SNX5: variants seen among roughly 807,000 people sequenced by gnomAD.
SNX5 encodes sorting nexin-5.
Under a neutral mutation model 53.9 loss-of-function variants are expected in SNX5, and 31 were observed. The observed-to-expected ratio is 0.58, with a 90% CI of 0.43 to 0.78. The LOEUF (loss-of-function observed/expected upper bound fraction) is 0.78, where lower values mean the gene tolerates loss of function less well. Ranked by LOEUF, SNX5 falls within the 30% of genes least tolerant of loss-of-function variation. The probability of loss-of-function intolerance (pLI) is 0.00; values close to 1 mark genes in which losing one functional copy is unlikely to be tolerated. For missense variants in SNX5, 471 were observed against 478.8 expected, an observed-to-expected ratio of 0.98 and a Z score of 0.15; for synonymous variants, 168 against 171.1, an observed-to-expected ratio of 0.98 and a Z score of 0.14.
At chr20:17,961,908 T>A in intron 1 of SNX5, 1 of 985,226 alleles carries the variant, frequency 1.0e-6, no homozygotes, top group Non-Finnish European at 1.2e-6. Flanking sequence ...CCAATATTTG[T>A]TAAGTGAGAA....
chr20:17,967,206 C>G (rs73264190), intron 1 of SNX5, among the ~76,000 whole-genome samples: 1,885 of 151,960 alleles, frequency 0.012, 41 homozygotes, highest in African/African-American at 0.043. Flanking sequence ...AAAGAATGTA[C>G]CAGAAAGAAA....
chr20:17,967,324 T>C (rs2035559218), intron 1 of SNX5, among the ~76,000 whole-genome samples: 1 of 149,860 alleles, frequency 6.7e-6, no homozygotes, highest in Non-Finnish European at 1.5e-5. Context: ...TCCACTTTGT[T>C]TTAGTAATAA....
rs1568590288 is a variant in SNX5 at position 17,950,379 on chromosome 20, AAAG to A, written c.624_626del (p.Phe209del). 1.9e-6 allele frequency: 3 copies of A among 1,608,706 alleles called. No individual in the cohort carries two copies. Among genetic ancestry groups the A allele is most frequent in the East Asian group, 2.2e-5 (1 of 44,862 alleles). On this transcript the variant is annotated inframe_deletion, in exon 7 of 13. Transcript: ENST00000377759. Reference sequence around the variant, plus strand: ...TAATAAGGAAGTTCTTCTCTTGCTCAAAGAAGTCATCTACCTCCTAGAAGGAAG... The same window carrying A: ...TAATAAGGAAGTTCTTCTCTTGCTCAAAGTCATCTACCTCCTAGAAGGAAG...
intron 1 of SNX5, among the ~76,000 whole-genome samples, chr20:17,958,157 C>T (rs1203038301): frequency 3.9e-5 from 6 of 152,152 alleles, no homozygotes; most frequent in African/African-American, 1.2e-4. Flanking sequence ...GAACTCATAG[C>T]GTAAGCATCT....
Position 17,968,451 on chromosome 20 carries a change from C to G in SNX5, c.-26G>C, listed in dbSNP as rs2035608295. On this transcript the variant is annotated 5_prime_UTR_variant, in exon 1 of 13. Coordinates refer to ENST00000377759, the MANE Select transcript of SNX5 (RefSeq NM_014426.4). Reference sequence around the variant, plus strand: ...GGCGACGCGGGACTCGAGCAGGGGCCGCCTGGCTGTGCGAGGAAAGAAGAA... The same window carrying G: ...GGCGACGCGGGACTCGAGCAGGGGCGGCCTGGCTGTGCGAGGAAAGAAGAA... 1 of 1,289,920 alleles carries G rather than the reference C, an allele frequency of 7.8e-7. No individual in the cohort carries two copies. Among genetic ancestry groups the G allele is most frequent in the Non-Finnish European group, 9.8e-7 (1 of 1,016,526 alleles). The allele number at this position is 1,289,920 out of a possible 1,614,324, so 79.9% of individuals were successfully genotyped here.
chr20:17,952,375 A>G (rs868668166), intron 5 of SNX5, among the ~76,000 whole-genome samples: 19 of 152,366 alleles, frequency 1.2e-4, no homozygotes, highest in African/African-American at 2.9e-4. Context: ...AATTTCTTAA[A>G]AAGAAACCTA....
intron 1 of SNX5, chr20:17,961,319 C>G (rs2035444031): frequency 3.0e-6 from 3 of 985,404 alleles, no homozygotes; most frequent in Non-Finnish European, 3.6e-6. Context: ...CAAAGGGCAC[C>G]TGGATGACTG....
Position 17,963,158 on chromosome 20 carries a change from T to C in SNX5, c.51+5217A>G, listed in dbSNP as rs372785736. ...CTACTGGGAATCAATACACCACTGC[T>C]ACCAAGAAAGCAGGTCCAACAAATG... is the stretch of plus-strand genomic sequence containing the variant. On this transcript the variant is annotated intron_variant, in intron 1 of 12. Transcript: ENST00000377759. Among the ~76,000 whole-genome samples, 28 of 152,332 alleles carry C rather than the reference T, an allele frequency of 1.8e-4. No individual in the cohort carries two copies. In the East Asian group the frequency reaches 4.2e-3, roughly 23 times the overall value.
intron 10 of SNX5, among the ~76,000 whole-genome samples, chr20:17,948,309 A>G (rs1379069115): frequency 6.6e-6 from 1 of 152,268 alleles, no homozygotes; most frequent in East Asian, 1.9e-4. Context: ...ATGTTTTTAA[A>G]AACTCCCAAG....
At chr20:17,945,370 C>T (rs1029643585) in intron 11 of SNX5, 1 of 152,188 alleles carries the variant, frequency 6.6e-6, no homozygotes, top group African/African-American at 2.4e-5. Flanking sequence ...GGTTAAGACC[C>T]ACCAATCTCA....
chr20:17,961,612 G>A (rs544622860), intron 1 of SNX5: 196 of 983,588 alleles, frequency 2.0e-4, no homozygotes, highest in Non-Finnish European at 2.3e-4. Context: ...ACTACAGATA[G>A]GATAAAAAAG....
chr20:17,948,665 TC>T (rs983004751), intron 10 of SNX5, among the ~76,000 whole-genome samples: 1 of 152,186 alleles, frequency 6.6e-6, no homozygotes, highest in African/African-American at 2.4e-5. Flanking sequence ...GCATGTTATG[TC>T]CCACATCAAT....
chr20:17,963,176 A>C (rs2035485636), intron 1 of SNX5, among the ~76,000 whole-genome samples: 1 of 152,248 alleles, frequency 6.6e-6, no homozygotes, highest in African/African-American at 2.4e-5. Flanking sequence ...AAGCAGGTCC[A>C]ACAAATGAAT....
intron 10 of SNX5, 97 bp downstream of exon 10, chr20:17,948,793 C>G (rs1304911608): frequency 1.9e-5 from 18 of 949,948 alleles, no homozygotes; most frequent in Non-Finnish European, 2.8e-5. Context: ...AAAAACAAGT[C>G]TGATAAATTC....
chr20:17,950,173 G>A lies in SNX5; in HGVS notation c.750C>T (p.Cys250=), dbSNP rs1411549449. 3 of 1,614,152 alleles carry A rather than the reference G, an allele frequency of 1.9e-6. No homozygotes were observed. Among genetic ancestry groups the A allele is most frequent in the Non-Finnish European group, 2.5e-6 (3 of 1,180,008 alleles). The change falls in exon 8 of 13, where the codon TGC becomes TGT. Residue 250 remains cysteine, a synonymous_variant. Transcript: ENST00000377759. ...GCTCTTCTAAAGCCAGGCTATGTAAGCAGGCTGCGGTGTGGATATAGTCAT... is the reference window on the plus strand; with the variant it reads ...GCTCTTCTAAAGCCAGGCTATGTAAACAGGCTGCGGTGTGGATATAGTCAT... The part of the protein sequence containing the change: ...VADDYIHTAA[C]LHSLALEEPT...
At chr20:17,947,803 A>G (rs2039507766) in intron 10 of SNX5, among the ~76,000 whole-genome samples, 158 bp from the exon 11 acceptor site, 1 of 152,254 alleles carries the variant, frequency 6.6e-6, no homozygotes, top group Non-Finnish European at 1.5e-5. Flanking sequence ...CGCAGGGATG[A>G]GCAATGCTGA....
At position 17,954,078 on chromosome 20, in the gene SNX5, G is replaced by A. The variant is rs751333774; in HGVS notation, c.307C>T (p.Arg103Ter). Reference protein sequence around the residue: ...APTKPDFDGPREKMQKLGEGE... With the variant: ...APTKPDFDGP ...TCTCCCAGTTTCTGCATCTTCTCTC[G>A]AGGACCATCAAAGTCGGGCTTCGTA... Residue 103 changes from arginine to a stop codon, truncating the protein, a stop_gained, in exon 4 of 13, where the codon CGA (arginine) becomes TGA (stop). Coordinates refer to ENST00000377759, the MANE Select transcript of SNX5 (RefSeq NM_014426.4). LOFTEE classifies it high-confidence loss of function. The A allele has an allele frequency of 2.5e-6, 4 of 1,613,610 alleles. No homozygotes were observed. The highest frequency in any genetic ancestry group is 1.1e-5 in the South Asian group (1 of 91,060).
chr20:17,950,211 C>T lies in SNX5; in HGVS notation c.716-4G>A, dbSNP rs763790271. 26 of 1,614,008 alleles carry T rather than the reference C, an allele frequency of 1.6e-5. No homozygotes were observed. Among genetic ancestry groups the T allele is most frequent in the Non-Finnish European group, 2.0e-5 (24 of 1,179,998 alleles). ...TGGATATAGTCATCGGCAACATCTGCAGAAACAAGGACAAGTCTTTTTATC... is the reference window on the plus strand; with the variant it reads ...TGGATATAGTCATCGGCAACATCTGTAGAAACAAGGACAAGTCTTTTTATC... On this transcript the variant is annotated splice_polypyrimidine_tract_variant and splice_region_variant and intron_variant, in intron 7 of 12. Coordinates refer to ENST00000377759, the MANE Select transcript of SNX5 (RefSeq NM_014426.4).
At position 17,947,938 on chromosome 20, in the gene SNX5, T is replaced by C. The variant is rs534176018; in HGVS notation, c.919-293A>G. 7.9e-5 allele frequency among the ~76,000 whole-genome samples: 12 copies of C among 152,354 alleles called. No homozygotes were observed. Among genetic ancestry groups the C allele is most frequent in the Middle Eastern group, 3.4e-3 (1 of 294 alleles). ...TAAAGTTAACTTTAAAAATTAAATA[T>C]TGTGTATCAGAGATAACTTGAAATA... On this transcript the variant is annotated intron_variant, in intron 10 of 12. Transcript: ENST00000377759.
Sources: allele counts gnomAD v4.1 joint callset (sites outside exome capture counted in the v4.1 genomes callset), GRCh38; gene constraint gnomAD v4.1.1; transcripts MANE v1.5; gene names NCBI Gene and HGNC (gene_info 2026-07-23, HGNC 2026-07-21).